TRIQK: variants seen among roughly 807,000 people sequenced by gnomAD.
TRIQK encodes triple QxxK/R motif-containing protein.
In TRIQK, 10 loss-of-function variants were observed where a neutral mutation model predicts 10.8. That is an observed-to-expected ratio of 0.92 (90% confidence interval 0.57 to 1.57). The LOEUF (loss-of-function observed/expected upper bound fraction) is 1.57. TRIQK is among the 40% of genes most tolerant of loss of function. The probability of loss-of-function intolerance (pLI) is 0.00; values close to 1 mark genes in which losing one functional copy is unlikely to be tolerated. For synonymous variants in TRIQK, 33 were observed against 33.7 expected (o/e 0.98, Z 0.07); for missense variants, 107 against 97.7 (o/e 1.09, Z -0.40).
rs531049549 is a variant in TRIQK, at chr8:92,886,398, A to C, written c.*224T>G. ...ATGTACCATGTATAGGGTGGCTGTC[A>C]AAGCAGAAAGATATATAAAAGTATC... On this transcript the variant is annotated 3_prime_UTR_variant, in exon 5 of 5. Coordinates refer to ENST00000521988, the MANE Select transcript of TRIQK (RefSeq NM_001171797.2). The C allele has an allele frequency of 3.4e-6, 1 of 298,286 alleles. No individual in the cohort carries two copies. The highest frequency in any genetic ancestry group is 6.2e-6 in the Non-Finnish European group (1 of 161,526). 18.5% of individuals were successfully genotyped at this position (298,286 alleles called of 1,614,324 possible). A position where few individuals can be genotyped will look rare whatever the true frequency, so the allele number is the denominator to read the frequency against.
intron 1 of TRIQK, among the ~76,000 whole-genome samples, chr8:93,004,944 T>C (rs934118814): frequency 1.3e-5 from 2 of 152,230 alleles, no homozygotes; most frequent in African/African-American, 2.4e-5. Context: ...AACAAGTTTC[T>C]AGGAAGTTCC....
chr8:92,923,334 A>C (rs1051100251), intron 2 of TRIQK, among the ~76,000 whole-genome samples: 4 of 151,684 alleles, frequency 2.6e-5, no homozygotes, highest in African/African-American at 7.2e-5. Flanking sequence ...CACAATTTAA[A>C]ATGTGTTGTG....
intron 2 of TRIQK, among the ~76,000 whole-genome samples, chr8:92,934,558 G>C (rs868195066): frequency 3.2e-4 from 49 of 151,800 alleles, no homozygotes; most frequent in African/African-American, 1.1e-3. Flanking sequence ...AATGCTGTAT[G>C]ACTTATTTAA....
intron 1 of TRIQK, among the ~76,000 whole-genome samples, chr8:93,002,931 A>C (rs1159687022): frequency 6.6e-6 from 1 of 152,028 alleles, no homozygotes; most frequent in East Asian, 1.9e-4. Flanking sequence ...AAAAAAAAAA[A>C]AAACCTCATT....
chr8:92,960,278 A>G (rs1462378201), intron 1 of TRIQK, among the ~76,000 whole-genome samples: 4 of 152,044 alleles, frequency 2.6e-5, no homozygotes, highest in Admixed American at 6.6e-5. Flanking sequence ...AGTGGACTCT[A>G]TTCTTTATTC....
At position 92,884,536 on chromosome 8, in the gene TRIQK, A is replaced by C. The variant is rs1294393995; in HGVS notation, c.*2086T>G. ...GGCAGTGAAATTTGCCTATAATTAT[A>C]CTATATTTAGATTAATAGTTATCAA... On this transcript the variant is annotated 3_prime_UTR_variant, in exon 5 of 5. Transcript: ENST00000521988. The C allele has an allele frequency of 1.7e-5, 5 of 294,592 alleles. No individual in the cohort carries two copies. The highest frequency in any genetic ancestry group is 1.4e-4 in the Admixed American group (3 of 21,744). The allele number at this position is 294,592 out of a possible 1,614,324, so 18.2% of individuals were successfully genotyped here.
chr8:92,976,221 C>A (rs1418445529), intron 1 of TRIQK, among the ~76,000 whole-genome samples: 1 of 151,926 alleles, frequency 6.6e-6, no homozygotes, highest in Non-Finnish European at 1.5e-5. Context: ...ATTATGTCTA[C>A]TTGTTTTAAT....
In TRIQK at chr8:93,003,220, C is replaced by T. The variant is rs1813232164; in HGVS notation, c.-181+14389G>A. ...TTAACTTACACTTCCACAGGCTGTA[C>T]AGGAGGCATGGCTGGGTGGGGGCGG... On this transcript the variant is annotated intron_variant, in intron 1 of 4. Coordinates refer to the TRIQK transcript ENST00000520686. Among the ~76,000 whole-genome samples the T allele has an allele frequency of 2.0e-5, 3 of 151,330 alleles. No individual in the cohort carries two copies. The South Asian group carries it at 6.3e-4, about 32-fold the overall frequency.
At chr8:92,943,227 TG>T (rs1473613104) in intron 2 of TRIQK, among the ~76,000 whole-genome samples, 1 of 152,156 alleles carries the variant, frequency 6.6e-6, no homozygotes, top group Non-Finnish European at 1.5e-5. Flanking sequence ...GAATCACTAT[TG>T]TAAAAATGTC....
intron 3 of TRIQK, among the ~76,000 whole-genome samples, chr8:92,905,029 C>T (rs1174904909): frequency 2.0e-5 from 3 of 152,148 alleles, no homozygotes; most frequent in African/African-American, 7.2e-5. Flanking sequence ...GATTATTACA[C>T]ATCCATACTT....
chr8:93,000,825 G>A (rs372681960), intron 1 of TRIQK, among the ~76,000 whole-genome samples: 1 of 147,442 alleles, frequency 6.8e-6, no homozygotes, highest in Admixed American at 6.8e-5. Context: ...TACACAAATG[G>A]TAAAGAGAAT....
At chr8:92,956,224 A>C (rs1484483358) in intron 1 of TRIQK, among the ~76,000 whole-genome samples, 2 of 151,828 alleles carry the variant, frequency 1.3e-5, no homozygotes, top group African/African-American at 4.8e-5. Context: ...AATATTGATA[A>C]TGCTGCAACA....
chr8:92,906,464 C>G (rs1432546621), intron 3 of TRIQK, among the ~76,000 whole-genome samples: 1 of 152,036 alleles, frequency 6.6e-6, no homozygotes, highest in Admixed American at 6.6e-5. Flanking sequence ...CAAAGACCCT[C>G]AGTAAACTAA....
chr8:92,926,393 T>A (rs1383093021), intron 2 of TRIQK: 1 of 152,106 alleles, frequency 6.6e-6, no homozygotes, highest in East Asian at 1.9e-4. Flanking sequence ...AAATGAAAAT[T>A]ACAGACCAAT....
At chr8:92,928,253 A>G (rs1182118427) in intron 2 of TRIQK, among the ~76,000 whole-genome samples, 1 of 152,174 alleles carries the variant, frequency 6.6e-6, no homozygotes. Context: ...TTATCTCAAA[A>G]CTGCAATGAG....
intron 2 of TRIQK, among the ~76,000 whole-genome samples, chr8:92,928,318 T>C (rs963385337): frequency 6.6e-6 from 1 of 152,070 alleles, no homozygotes. Flanking sequence ...GGAGTCCCCA[T>C]CCCTCCAGGA....
intron 1 of TRIQK, among the ~76,000 whole-genome samples, chr8:92,994,750 C>T (rs778656191): frequency 5.3e-5 from 8 of 151,932 alleles, no homozygotes; most frequent in Non-Finnish European, 1.0e-4. Flanking sequence ...TTATACTACT[C>T]TATTTATCCA....
At chr8:92,910,007 T>C (rs1018078934) in intron 3 of TRIQK, among the ~76,000 whole-genome samples, 3 of 151,596 alleles carry the variant, frequency 2.0e-5, no homozygotes, top group African/African-American at 7.2e-5. Flanking sequence ...AGAAAAATGA[T>C]AAAATACTCA....
At chr8:92,959,351 G>T (rs189247854) in intron 1 of TRIQK, among the ~76,000 whole-genome samples, 1 of 151,766 alleles carries the variant, frequency 6.6e-6, no homozygotes, top group Non-Finnish European at 1.5e-5. Context: ...AATCTAGGTC[G>T]TTCTTATTGA....
Sources: allele counts gnomAD v4.1 joint callset (sites outside exome capture counted in the v4.1 genomes callset), GRCh38; gene constraint gnomAD v4.1.1; transcripts MANE v1.5; gene names NCBI Gene and HGNC (gene_info 2026-07-23, HGNC 2026-07-21).